The following HDAC4 variants were observed in gnomAD, a reference collection of about 807,000 sequenced individuals.
HDAC4 encodes the protein histone deacetylase 4, also known as histone deacetylase A.
In HDAC4, 16 loss-of-function variants were observed where a neutral mutation model predicts 135.1. That is an observed-to-expected ratio of 0.12 (90% CI 0.08 to 0.18). The LOEUF (loss-of-function observed/expected upper bound fraction) is 0.18, where lower values mean the gene tolerates loss of function less well. Ranked by LOEUF, HDAC4 falls within the 10% of genes least tolerant of loss-of-function variation. The pLI, the probability that HDAC4 is intolerant of heterozygous loss-of-function variation, is 1.00. For synonymous variants in HDAC4, 685 were observed against 653.4 expected (o/e 1.05, Z -0.74); for missense variants, 1,143 against 1,511.8 (o/e 0.76, Z 4.05).
At chr2:239,175,952 T>C (rs751445256) in intron 5 of HDAC4, among the ~76,000 whole-genome samples, 38 of 152,104 alleles carry the variant, frequency 2.5e-4, no homozygotes, top group Non-Finnish European at 5.0e-4. Context: ...GAGCTAACCA[T>C]GGGTGGGCTG....
intron 19 of HDAC4, 133 bp downstream of exon 19, chr2:239,087,426 G>T: frequency 1.2e-6 from 1 of 833,734 alleles, no homozygotes; most frequent in Non-Finnish European, 2.0e-6. Context: ...AGCCAAGCCG[G>T]CATGCGGCAC....
At chr2:239,280,129 G>A (rs1347849475) in intron 2 of HDAC4, among the ~76,000 whole-genome samples, 1 of 152,022 alleles carries the variant, frequency 6.6e-6, no homozygotes, top group East Asian at 1.9e-4. Context: ...CTTGAGACAT[G>A]TGCTGGTTCT....
At chr2:239,152,379 G>A (rs2042168143) in intron 7 of HDAC4, among the ~76,000 whole-genome samples, 1 of 152,194 alleles carries the variant, frequency 6.6e-6, no homozygotes, top group African/African-American at 2.4e-5. Flanking sequence ...CCAAAGTCAG[G>A]GTGACACTTG....
At chr2:239,281,183 T>TCTACA (rs1553597875) in intron 2 of HDAC4, among the ~76,000 whole-genome samples, 1 of 86,190 alleles carries the variant, frequency 1.2e-5, no homozygotes, top group Non-Finnish European at 2.5e-5. Context: ...CACACCACTC[T>TCTACA]CAATGTACAC....
chr2:239,163,720 G>A (rs1245598341), intron 6 of HDAC4, 83 bp downstream of exon 6: 3 of 1,393,966 alleles, frequency 2.2e-6, no homozygotes, highest in Admixed American at 3.3e-5. Flanking sequence ...TGAAGAGCTG[G>A]CTCCATGCAA....
chr2:239,135,017 G>C (rs1277228866), intron 9 of HDAC4, among the ~76,000 whole-genome samples: 2 of 152,166 alleles, frequency 1.3e-5, no homozygotes, highest in Non-Finnish European at 2.9e-5. Context: ...CTTTTTTGTA[G>C]TTGGCAATGT....
At position 239,082,057 on chromosome 2, in the gene HDAC4, C is replaced by T. The variant is rs548192598; in HGVS notation, c.2652+45G>A. On this transcript the variant is annotated intron_variant, in intron 21 of 26. Transcript: ENST00000543185. ...GCCCCGTGCCCCCACAGCGGCTCCC[C>T]GCAGTCCCCCTTTCCCCCCAGAGGC... is the stretch of plus-strand genomic sequence containing the variant. 1.0e-4 allele frequency: 164 copies of T among 1,609,688 alleles called. No homozygotes were observed. The Middle Eastern group carries it at 1.5e-3, about 15-fold the overall frequency.
At chr2:239,140,216 T>C (rs145912785) in intron 8 of HDAC4, among the ~76,000 whole-genome samples, 249 of 152,332 alleles carry the variant, frequency 1.6e-3, no homozygotes, top group African/African-American at 5.6e-3. Flanking sequence ...CTACTATTAG[T>C]GTTCACTCTG....
chr2:239,075,532 C>A (rs1291622076), intron 22 of HDAC4, among the ~76,000 whole-genome samples: 2 of 152,200 alleles, frequency 1.3e-5, no homozygotes, highest in South Asian at 2.1e-4. Flanking sequence ...CCCAGGGAAG[C>A]CATGACTGTG....
intron 3 of HDAC4, among the ~76,000 whole-genome samples, chr2:239,215,707 C>T (rs2046594854): frequency 6.6e-6 from 1 of 152,194 alleles, no homozygotes; most frequent in Admixed American, 6.5e-5. Flanking sequence ...AAAACAGAAA[C>T]AAGACACAAA....
chr2:239,370,951 T>G (rs1374200280), intron 1 of HDAC4, among the ~76,000 whole-genome samples: 13 of 151,646 alleles, frequency 8.6e-5, no homozygotes, highest in African/African-American at 2.9e-4. Flanking sequence ...CTAGGGCAAT[T>G]GCTCTAACCC....
intron 2 of HDAC4, among the ~76,000 whole-genome samples, chr2:239,338,501 T>C (rs921439333): frequency 6.6e-5 from 10 of 152,142 alleles, no homozygotes; most frequent in Admixed American, 2.0e-4. Context: ...CCTATTAAAA[T>C]TGACACACTA....
At chr2:239,360,737 C>A (rs1366220244) in intron 1 of HDAC4, among the ~76,000 whole-genome samples, 1 of 152,178 alleles carries the variant, frequency 6.6e-6, no homozygotes, top group African/African-American at 2.4e-5. Context: ...AGACAGGGAG[C>A]GGGGACACCC....
chr2:239,214,494 G>C (rs1023619186), intron 3 of HDAC4, among the ~76,000 whole-genome samples: 5 of 152,290 alleles, frequency 3.3e-5, no homozygotes, highest in Middle Eastern at 3.4e-3. Flanking sequence ...GGGACATTTC[G>C]GGGGTTCCAT....
At chr2:239,359,010 T>G (rs1693694115) in intron 1 of HDAC4, among the ~76,000 whole-genome samples, 1 of 152,176 alleles carries the variant, frequency 6.6e-6, no homozygotes, top group Non-Finnish European at 1.5e-5. Context: ...CACATACTGG[T>G]TGGTTTTAGT....
chr2:239,345,432 T>C (rs1021096078), intron 2 of HDAC4, among the ~76,000 whole-genome samples: 4 of 151,834 alleles, frequency 2.6e-5, no homozygotes, highest in Non-Finnish European at 5.9e-5. Flanking sequence ...CAGAGGTGCA[T>C]GCCAGAGGTG....
At chr2:239,136,381 T>G (rs2152889423) in intron 9 of HDAC4, among the ~76,000 whole-genome samples, 1 of 152,348 alleles carries the variant, frequency 6.6e-6, no homozygotes. Flanking sequence ...TCTATCCTTT[T>G]TGATGGCTGC....
Position 239,331,003 on chromosome 2 carries a change from G to A in HDAC4, c.22+21675C>T, listed in dbSNP as rs190905276. ...CTGACACAGACCTGCTGCCCTGTGC[G>A]TGCGCATTCCCAACCTGCCTGACCT... On this transcript the variant is annotated intron_variant, in intron 2 of 26. Coordinates refer to ENST00000543185, the MANE Select transcript of HDAC4 (RefSeq NM_001378414.1). This position sits in a 1 kb window ranked among gnomAD's most constrained non-coding sequence, Gnocchi z 4.5. 1.3e-5 allele frequency among the ~76,000 whole-genome samples: 2 copies of A among 152,172 alleles called. No homozygotes were observed. The highest frequency in any genetic ancestry group is 4.8e-5 in the African/African-American group (2 of 41,422).
chr2:239,154,398 T>C (rs2042296004), intron 7 of HDAC4, among the ~76,000 whole-genome samples: 1 of 152,016 alleles, frequency 6.6e-6, no homozygotes, highest in South Asian at 2.1e-4. Flanking sequence ...GATGAGGAAA[T>C]GGAGGCCAGG....
Sources: gnomAD v4.1 joint callset for allele counts (sites outside exome capture counted in the v4.1 genomes callset) on GRCh38, gnomAD v4.1.1 for gene constraint, Gnocchi (gnomAD v3.1) non-coding constraint, MANE v1.5 for transcripts, NCBI Gene and HGNC (gene_info 2026-07-23, HGNC 2026-07-21) for gene names.